The following DOCK1 variants were observed in gnomAD, a reference collection of about 807,000 sequenced individuals.
DOCK1 encodes the protein dedicator of cytokinesis protein 1.
DOCK1 carries 138 observed loss-of-function variants against 262.7 expected under a neutral mutation model. That is an observed-to-expected ratio of 0.53 (90% CI 0.46 to 0.61). The LOEUF (loss-of-function observed/expected upper bound fraction) is 0.61. Among genes scored for constraint, DOCK1 ranks in the 20% least tolerant of loss-of-function variants. DOCK1 has a pLI of 0.00. For synonymous variants in DOCK1, 866 were observed against 867.4 expected, an observed-to-expected ratio of 1.00 and a Z score of 0.03; for missense variants, 1,908 against 2,370.7, an observed-to-expected ratio of 0.80 and a Z score of 4.05.
intron 24 of DOCK1, among the ~76,000 whole-genome samples, 177 bp from the exon 25 acceptor site, chr10:127,110,071 C>G (rs2136245077): frequency 6.6e-6 from 1 of 152,280 alleles, no homozygotes; most frequent in Middle Eastern, 3.4e-3. Flanking sequence ...TGAAAACGAA[C>G]ACTTTCAAAA....
chr10:127,067,207 C>T (rs551628171), intron 23 of DOCK1, among the ~76,000 whole-genome samples: 13 of 152,314 alleles, frequency 8.5e-5, no homozygotes, highest in South Asian at 4.1e-4. Context: ...GAGACCTTGG[C>T]GATGGCCCCA....
At chr10:127,156,759 G>A (rs2053123807) in intron 27 of DOCK1, among the ~76,000 whole-genome samples, 1 of 151,566 alleles carries the variant, frequency 6.6e-6, no homozygotes, top group African/African-American at 2.4e-5. Context: ...GTAGAGACGG[G>A]GTTTCTCTAT....
intron 29 of DOCK1, among the ~76,000 whole-genome samples, chr10:127,303,325 G>A (rs775032841): frequency 1.7e-4 from 26 of 152,174 alleles, no homozygotes; most frequent in Admixed American, 9.8e-4. Context: ...TGGAGGATGA[G>A]TAATTTGATC....
At chr10:127,148,179 G>A (rs1016555912) in intron 27 of DOCK1, among the ~76,000 whole-genome samples, 9 of 152,102 alleles carry the variant, frequency 5.9e-5, no homozygotes, top group African/African-American at 9.7e-5. Context: ...GCCTTGTGGC[G>A]TTCCCATCCA....
chr10:126,922,631 G>T (rs1293221817), intron 1 of DOCK1, among the ~76,000 whole-genome samples: 1 of 152,080 alleles, frequency 6.6e-6, no homozygotes, highest in Admixed American at 6.5e-5. Context: ...CAAGAGATTT[G>T]GAGGGGACAG....
intron 1 of DOCK1, among the ~76,000 whole-genome samples, chr10:126,924,142 T>C (rs1022924658): frequency 6.6e-6 from 1 of 150,900 alleles, no homozygotes; most frequent in Non-Finnish European, 1.5e-5. Context: ...ATGGAGGCTG[T>C]GAGTGCTGGA....
chr10:127,093,397 G>T (rs1393746823), intron 23 of DOCK1, among the ~76,000 whole-genome samples: 6 of 150,906 alleles, frequency 4.0e-5, no homozygotes, highest in Admixed American at 3.3e-4. Context: ...AGGCATCCAG[G>T]CTGGAGTGCA....
chr10:127,339,124 T>C (rs1216629859), intron 30 of DOCK1, 40 bp downstream of exon 30: 6 of 1,508,998 alleles, frequency 4.0e-6, no homozygotes, highest in Non-Finnish European at 5.4e-6. Flanking sequence ...GGAGAAATCA[T>C]GTTAAAACAA....
intron 18 of DOCK1, among the ~76,000 whole-genome samples, chr10:127,032,548 T>G (rs2043311907): frequency 6.6e-6 from 1 of 152,124 alleles, no homozygotes; most frequent in Admixed American, 6.6e-5. Flanking sequence ...TATTCTTTTA[T>G]TTTTATTTTT....
At chr10:127,019,367 A>C (rs1163919528) in intron 13 of DOCK1, among the ~76,000 whole-genome samples, 1 of 152,194 alleles carries the variant, frequency 6.6e-6, no homozygotes, top group Non-Finnish European at 1.5e-5. Context: ...CGTTCCTAAT[A>C]ATCTGATTTG....
chr10:127,273,878 C>T (rs1345484919), intron 29 of DOCK1, among the ~76,000 whole-genome samples: 1 of 136,840 alleles, frequency 7.3e-6, no homozygotes, highest in Non-Finnish European at 1.6e-5. Flanking sequence ...GAGACTGTCT[C>T]AAAAAAAAAA....
intron 1 of DOCK1, among the ~76,000 whole-genome samples, chr10:126,911,638 TG>T (rs1379842100): frequency 5.9e-5 from 9 of 152,172 alleles, no homozygotes; most frequent in Non-Finnish European, 1.2e-4. Flanking sequence ...ACAAGGCCAC[TG>T]TTCATGCATA....
chr10:126,954,720 A>C (rs2036592738), intron 1 of DOCK1, among the ~76,000 whole-genome samples: 3 of 152,226 alleles, frequency 2.0e-5, no homozygotes, highest in African/African-American at 7.2e-5. Flanking sequence ...TTCACTCAGC[A>C]CAATGTCCTC....
At chr10:127,330,344 GTT>G (rs2062920845) in intron 29 of DOCK1, among the ~76,000 whole-genome samples, 1 of 151,690 alleles carries the variant, frequency 6.6e-6, no homozygotes, top group South Asian at 2.1e-4. Flanking sequence ...TACTAAAAGA[GTT>G]TTGCTGTGTT....
At chr10:126,928,080 G>A (rs1228528518) in intron 1 of DOCK1, among the ~76,000 whole-genome samples, 1 of 152,220 alleles carries the variant, frequency 6.6e-6, no homozygotes, top group Non-Finnish European at 1.5e-5. Flanking sequence ...TCAGCAGTGG[G>A]AACGGCACAT....
intron 23 of DOCK1, among the ~76,000 whole-genome samples, chr10:127,095,799 G>A (rs372036603): frequency 3.3e-5 from 5 of 152,272 alleles, no homozygotes; most frequent in East Asian, 3.9e-4. Flanking sequence ...CCTCATCATC[G>A]ATATGCTTCA....
At chr10:126,997,701 A>C (rs1247771025) in intron 7 of DOCK1, 1 of 219,450 alleles carries the variant, frequency 4.6e-6, no homozygotes, top group Non-Finnish European at 9.3e-6. Context: ...TTAATTCAAC[A>C]AGTACTTACT....
chr10:127,420,179 A>C (rs2068415249), intron 46 of DOCK1, among the ~76,000 whole-genome samples: 1 of 151,970 alleles, frequency 6.6e-6, no homozygotes, highest in South Asian at 2.1e-4. Flanking sequence ...TTCTCCGTGC[A>C]CCTCTGGCGG....
In DOCK1 at chr10:127,052,816, G is replaced by A; in HGVS notation, c.2336+1G>A. 1 of 1,610,394 alleles carries A rather than the reference G, an allele frequency of 6.2e-7. No homozygotes were observed. The highest frequency in any genetic ancestry group is 8.5e-7 in the Non-Finnish European group (1 of 1,178,004). On this transcript the variant is annotated splice_donor_variant, in intron 22 of 51. Transcript: ENST00000623213. LOFTEE classifies it high-confidence loss of function. The stretch of plus-strand genomic sequence containing the variant: ...TGCGCTCCAGGATCCTGTTCAATCA[G>A]TGCGTACCTATCCCCTCCATGCCCG...
Sources: gnomAD v4.1 joint callset for allele counts (sites outside exome capture counted in the v4.1 genomes callset) on GRCh38, gnomAD v4.1.1 for gene constraint, MANE v1.5 for transcripts, NCBI Gene and HGNC (gene_info 2026-07-23, HGNC 2026-07-21) for gene names.